Variants in PCDH15 observed in about 807,000 individuals in gnomAD.
PCDH15 encodes protocadherin-15.
A neutral mutation model predicts 178.5 loss-of-function variants in PCDH15; 129 were observed. That is an observed-to-expected ratio of 0.72 (90% CI 0.63 to 0.84). The LOEUF (loss-of-function observed/expected upper bound fraction) is 0.84, where lower values mean the gene tolerates loss of function less well. Among genes scored for constraint, PCDH15 ranks in the 40% least tolerant of loss-of-function variants. The pLI is 0.00. For synonymous variants in PCDH15, 800 were observed against 732.0 expected (o/e 1.09, Z -1.50); for missense variants, 2,230 against 2,099.9 (o/e 1.06, Z -1.21).
chr10:54,931,321 A>C (rs549859342), intron 2 of PCDH15, among the ~76,000 whole-genome samples: 2 of 152,202 alleles, frequency 1.3e-5, no homozygotes, highest in Middle Eastern at 3.2e-3. Flanking sequence ...GTAACGTTTG[A>C]AACATCTACT....
At chr10:54,285,352 T>G in intron 8 of PCDH15, among the ~76,000 whole-genome samples, 1 of 150,936 alleles carries the variant, frequency 6.6e-6, no homozygotes, top group Non-Finnish European at 1.5e-5. Context: ...ATCCAAAATA[T>G]ATAAGGAACT....
At chr10:54,730,729 CCTATTT>C (rs948260896) in intron 1 of PCDH15, among the ~76,000 whole-genome samples, 45 of 151,258 alleles carry the variant, frequency 3.0e-4, no homozygotes, top group African/African-American at 1.0e-3. Context: ...AAAATGGACT[CCTATTT>C]CTCACCATAT....
chr10:53,880,175 TGC>T (rs1279841740), intron 26 of PCDH15, among the ~76,000 whole-genome samples: 4 of 152,204 alleles, frequency 2.6e-5, no homozygotes, highest in Non-Finnish European at 4.4e-5. Flanking sequence ...ATAGGTGTTA[TGC>T]ATATTACATA....
At chr10:53,963,759 T>G (rs992703162) in intron 21 of PCDH15, among the ~76,000 whole-genome samples, 1 of 152,160 alleles carries the variant, frequency 6.6e-6, no homozygotes, top group Non-Finnish European at 1.5e-5. Flanking sequence ...TTAAGCCCCA[T>G]AGCCAAATCA....
At chr10:54,471,485 T>G (rs1037933428) in intron 3 of PCDH15, among the ~76,000 whole-genome samples, 1 of 152,170 alleles carries the variant, frequency 6.6e-6, no homozygotes, top group African/African-American at 2.4e-5. Flanking sequence ...TCATACAATG[T>G]CTTATATTAG....
intron 18 of PCDH15, among the ~76,000 whole-genome samples, chr10:54,053,638 G>T (rs181998726): frequency 1.1e-3 from 173 of 152,242 alleles, no homozygotes; most frequent in Non-Finnish European, 2.0e-3. Context: ...CAAGGTGGGG[G>T]TATAAACAGA....
chr10:55,017,493 C>A (rs1446105272), intron 2 of PCDH15, among the ~76,000 whole-genome samples: 1 of 152,058 alleles, frequency 6.6e-6, no homozygotes, highest in African/African-American at 2.4e-5. Flanking sequence ...GAGATAATTG[C>A]TAATTAAAAT....
chr10:55,568,421 A>G (rs1842345380), intron 2 of PCDH15, among the ~76,000 whole-genome samples: 1 of 152,020 alleles, frequency 6.6e-6, no homozygotes, highest in South Asian at 2.1e-4. Flanking sequence ...AAAATTTTTC[A>G]GTTTTAAAGA....
At chr10:53,854,671 C>T (rs1225807236) in intron 28 of PCDH15, among the ~76,000 whole-genome samples, 5 of 151,946 alleles carry the variant, frequency 3.3e-5, no homozygotes, top group African/African-American at 1.2e-4. Context: ...AACTCCTAGC[C>T]ACTCTCCACC....
intron 2 of PCDH15, among the ~76,000 whole-genome samples, chr10:54,964,947 C>A (rs1311457639): frequency 6.6e-6 from 1 of 152,132 alleles, no homozygotes; most frequent in Non-Finnish European, 1.5e-5. Context: ...GTAGCTTTTG[C>A]AAACACATAG....
chr10:55,522,573 T>TA (rs1406920983), intron 2 of PCDH15, among the ~76,000 whole-genome samples: 1 of 151,774 alleles, frequency 6.6e-6, no homozygotes, highest in Non-Finnish European at 1.5e-5. Flanking sequence ...ATAATGATCT[T>TA]CTTTGTCTCT....
At chr10:54,315,964 GT>G (rs1564944552) in intron 8 of PCDH15, among the ~76,000 whole-genome samples, 1 of 108,524 alleles carries the variant, frequency 9.2e-6, no homozygotes, top group Non-Finnish European at 2.0e-5. Flanking sequence ...TTTTGTTTTT[GT>G]TTTTTGGGTT....
At chr10:55,296,720 TA>T (rs889755770) in intron 1 of PCDH15, among the ~76,000 whole-genome samples, 2 of 152,162 alleles carry the variant, frequency 1.3e-5, no homozygotes, top group Non-Finnish European at 2.9e-5. Context: ...CTTTTTAATT[TA>T]TTTTTTTTAA....
At chr10:55,217,941 T>C (rs1361259663) in intron 1 of PCDH15, among the ~76,000 whole-genome samples, 3 of 152,028 alleles carry the variant, frequency 2.0e-5, no homozygotes, top group African/African-American at 7.2e-5. Context: ...AAGCACAAAA[T>C]GTACAGATTT....
In PCDH15 at chr10:54,435,411, G is replaced by A. The variant is rs570961829; in HGVS notation, c.158-56469C>T. Among the ~76,000 whole-genome samples the A allele has an allele frequency of 2.0e-5, 3 of 152,252 alleles. No individual in the cohort carries two copies. The South Asian group carries it at 6.2e-4, about 32-fold the overall frequency. ...CAGATTATGCTAGGTCTCATAACAT[G>A]CTGGGGCCTTCTCAATATTGTGATT... is the stretch of plus-strand genomic sequence containing the variant. On this transcript the variant is annotated intron_variant, in intron 3 of 37. Coordinates refer to ENST00000644397, the MANE Select transcript of PCDH15 (RefSeq NM_001384140.1).
At chr10:55,117,576 C>T (rs1190350816) in intron 2 of PCDH15, among the ~76,000 whole-genome samples, 1 of 152,042 alleles carries the variant, frequency 6.6e-6, no homozygotes, top group Non-Finnish European at 1.5e-5. Flanking sequence ...CCATTTGAAC[C>T]GTGATGCCCA....
chr10:54,412,351 A>G (rs1953657292), intron 3 of PCDH15, among the ~76,000 whole-genome samples: 1 of 151,914 alleles, frequency 6.6e-6, no homozygotes. Context: ...TTACATCTTT[A>G]AAATAGCTTT....
intron 2 of PCDH15, among the ~76,000 whole-genome samples, chr10:55,592,619 C>T (rs987752222): frequency 2.6e-5 from 4 of 152,090 alleles, no homozygotes; most frequent in Non-Finnish European, 5.9e-5. Context: ...TCTCAAGTTA[C>T]CACATCAGTT....
At chr10:54,161,455 T>G (rs908218808) in intron 13 of PCDH15, among the ~76,000 whole-genome samples, 2 of 152,120 alleles carry the variant, frequency 1.3e-5, no homozygotes, top group Non-Finnish European at 2.9e-5. Flanking sequence ...ATGGAAATTT[T>G]GGGGGTGAAA....
Sources: allele counts gnomAD v4.1 joint callset (sites outside exome capture counted in the v4.1 genomes callset), GRCh38; gene constraint gnomAD v4.1.1; transcripts MANE v1.5; gene names NCBI Gene and HGNC (gene_info 2026-07-23, HGNC 2026-07-21).